Variants in DNAAF11 observed in about 807,000 individuals in gnomAD.
The protein encoded by DNAAF11 is leucine rich repeat containing 6.
DNAAF11 carries 45 observed loss-of-function variants against 60.8 expected under a neutral mutation model. The observed-to-expected ratio is 0.74, with a 90% confidence interval of 0.58 to 0.95. DNAAF11 has a LOEUF of 0.95. Ranked by LOEUF, DNAAF11 falls within the 40% of genes least tolerant of loss-of-function variation. The probability of loss-of-function intolerance (pLI) is 0.00; values close to 1 mark genes in which losing one functional copy is unlikely to be tolerated. For synonymous variants in DNAAF11, 191 were observed against 183.5 expected (o/e 1.04, Z -0.33); for missense variants, 546 against 546.2 (o/e 1.00, Z 0.00).
In DNAAF11 at chr8:132,638,053, C is replaced by A; in HGVS notation, c.311G>T (p.Ser104Ile). 3.7e-6 allele frequency: 6 copies of A among 1,614,148 alleles called. No individual in the cohort carries two copies. Among genetic ancestry groups the A allele is most frequent in the Non-Finnish European group, 5.1e-6 (6 of 1,179,996 alleles). ...ATTGTGCTGCAAGTTTTTAATGCTGCTCAGCTCTCCAATGAAATTCACAGT... is the reference window on the plus strand; with the variant it reads ...ATTGTGCTGCAAGTTTTTAATGCTGATCAGCTCTCCAATGAAATTCACAGT... ...DLTVNFIGEL[S>I]SIKNLQHNIH... Residue 104 changes from serine to isoleucine, a missense_variant, in exon 4 of 12, where the codon AGC (serine) becomes ATC (isoleucine). Coordinates refer to ENST00000620350, the MANE Select transcript of DNAAF11 (RefSeq NM_012472.6).
chr8:132,628,817 T>C (rs868451317), intron 5 of DNAAF11, among the ~76,000 whole-genome samples: 7 of 152,238 alleles, frequency 4.6e-5, no homozygotes, highest in Non-Finnish European at 8.8e-5. Context: ...TGTAAGCTTC[T>C]ACTAAAGTAC....
chr8:132,651,221 G>A (rs1490987211), intron 3 of DNAAF11, among the ~76,000 whole-genome samples: 1 of 151,360 alleles, frequency 6.6e-6, no homozygotes, highest in Non-Finnish European at 1.5e-5. Flanking sequence ...TAGGGTAAGG[G>A]ATGGAAAACA....
chr8:132,692,476 T>C, the DNAAF11 span, among the ~76,000 whole-genome samples: 17,204 of 152,190 alleles, frequency 0.11, 1,083 homozygotes, highest in East Asian at 0.24. Context: ...CCTGCAGAAC[T>C]GCATGCAGCC....
intron 10 of DNAAF11, among the ~76,000 whole-genome samples, chr8:132,601,710 G>A (rs1000862634): frequency 3.9e-5 from 6 of 152,050 alleles, no homozygotes; most frequent in African/African-American, 9.7e-5. Flanking sequence ...CTCATAGGTG[G>A]GAATTGAACA....
At chr8:132,622,568 C>G in intron 7 of DNAAF11, 43 bp downstream of exon 7, 1 of 1,417,400 alleles carries the variant, frequency 7.1e-7, no homozygotes, top group Non-Finnish European at 9.9e-7. Context: ...ACACCATTGA[C>G]TGACACTTTT....
At chr8:132,681,240 T>C in the DNAAF11 span, among the ~76,000 whole-genome samples, 1 of 151,450 alleles carries the variant, frequency 6.6e-6, no homozygotes, top group Non-Finnish European at 1.5e-5. Context: ...GAACTCCTGA[T>C]ATCAGGTTAT....
chr8:132,636,749 A>G (rs576002611), intron 4 of DNAAF11, among the ~76,000 whole-genome samples: 2 of 152,338 alleles, frequency 1.3e-5, no homozygotes, highest in African/African-American at 4.8e-5. Context: ...ATCACTGTAT[A>G]ATAATGATCA....
intron 3 of DNAAF11, among the ~76,000 whole-genome samples, chr8:132,647,291 T>C (rs1233847415): frequency 1.3e-5 from 2 of 151,750 alleles, no homozygotes; most frequent in Non-Finnish European, 2.9e-5. Context: ...GAGAAACCAA[T>C]GAGAACCAAT....
chr8:132,583,844 C>T, intron 10 of DNAAF11, 65 bp from the exon 11 acceptor site: 2 of 1,038,168 alleles, frequency 1.9e-6, no homozygotes, highest in Non-Finnish European at 3.0e-6. Context: ...AAAAAATATA[C>T]ATATATGTAT....
chr8:132,670,532 AC>A, intron 1 of DNAAF11, among the ~76,000 whole-genome samples: 1 of 152,198 alleles, frequency 6.6e-6, no homozygotes, highest in Non-Finnish European at 1.5e-5. Flanking sequence ...GATTAATTCT[AC>A]CAAAAACTTA....
chr8:132,685,940 G>A, the DNAAF11 span, among the ~76,000 whole-genome samples: 1 of 152,112 alleles, frequency 6.6e-6, no homozygotes, highest in East Asian at 1.9e-4. Context: ...TGAGTCCCTG[G>A]GGGCTGGGAA....
At chr8:132,598,427 T>C (rs1248237400) in intron 10 of DNAAF11, among the ~76,000 whole-genome samples, 1 of 152,208 alleles carries the variant, frequency 6.6e-6, no homozygotes, top group Non-Finnish European at 1.5e-5. Context: ...TACAGGGTTA[T>C]TGCAGAAAGT....
chr8:132,648,027 A>T (rs201718471), intron 3 of DNAAF11, among the ~76,000 whole-genome samples: 1 of 152,110 alleles, frequency 6.6e-6, no homozygotes, highest in East Asian at 1.9e-4. Flanking sequence ...GAATCATCCT[A>T]ATACCAAAGC....
At chr8:132,691,879 G>A in the DNAAF11 span, among the ~76,000 whole-genome samples, 2 of 152,110 alleles carry the variant, frequency 1.3e-5, no homozygotes, top group Non-Finnish European at 2.9e-5. Context: ...ATGAACAAGG[G>A]GGATGAGTGG....
intron 1 of DNAAF11, among the ~76,000 whole-genome samples, chr8:132,665,227 A>T (rs2130843848): frequency 2.0e-5 from 3 of 152,266 alleles, no homozygotes; most frequent in Middle Eastern, 6.8e-3. Flanking sequence ...AAACATCAGA[A>T]CAAAAACCAG....
intron 10 of DNAAF11, among the ~76,000 whole-genome samples, chr8:132,593,607 CA>C (rs1180744433): frequency 6.6e-6 from 1 of 151,212 alleles, no homozygotes; most frequent in Non-Finnish European, 1.5e-5. Flanking sequence ...AAATAATAGA[CA>C]AAATGATCAT....
chr8:132,613,934 C>T (rs1163426616), intron 8 of DNAAF11, among the ~76,000 whole-genome samples: 2 of 152,158 alleles, frequency 1.3e-5, no homozygotes, highest in Non-Finnish European at 2.9e-5. Context: ...TTCATTCATG[C>T]ATGTCAATGT....
chr8:132,664,709 C>T (rs1824460218), intron 1 of DNAAF11, among the ~76,000 whole-genome samples: 1 of 151,598 alleles, frequency 6.6e-6, no homozygotes, highest in Admixed American at 6.6e-5. Context: ...AAGCGATCCA[C>T]CCACCTTGGC....
the DNAAF11 span, among the ~76,000 whole-genome samples, chr8:132,697,982 T>G: frequency 6.6e-6 from 1 of 152,198 alleles, no homozygotes; most frequent in Non-Finnish European, 1.5e-5. Flanking sequence ...TTATAACTTG[T>G]CTTTAATTAT....
Sources: allele counts gnomAD v4.1 joint callset (sites outside exome capture counted in the v4.1 genomes callset), GRCh38; gene constraint gnomAD v4.1.1; transcripts MANE v1.5; gene names NCBI Gene and HGNC (gene_info 2026-07-23, HGNC 2026-07-21).